MID1: variants seen among roughly 807,000 people sequenced by gnomAD.
The protein encoded by MID1 is midline 1, also known as E3 ubiquitin-protein ligase Midline-1.
In MID1, 7 loss-of-function variants were observed where a neutral mutation model predicts 40.4. The ratio of observed to expected loss-of-function variants is 0.17; its 90% CI spans 0.10 to 0.33. The LOEUF (loss-of-function observed/expected upper bound fraction) is 0.33. Among genes scored for constraint, MID1 ranks in the 10% least tolerant of loss-of-function variants. MID1 has a pLI of 1.00. For missense variants in MID1, 367 were observed against 558.5 expected, an observed-to-expected ratio of 0.66 and a Z score of 3.46; for synonymous variants, 229 against 221.2, an observed-to-expected ratio of 1.04 and a Z score of -0.31.
chrX:10,632,580 T>C (rs1936064139), intron 1 of MID1, among the ~76,000 whole-genome samples: 1 of 110,885 alleles, frequency 9.0e-6, no homozygotes, highest in African/African-American at 3.3e-5. Context: ...CCTAGAGGGC[T>C]TGTTAAAACA....
At chrX:10,469,893 C>T in intron 6 of MID1, 53 bp from the exon 7 acceptor site, 4 of 1,126,186 alleles carry the variant, frequency 3.6e-6, no homozygotes, top group Non-Finnish European at 4.9e-6. Context: ...ACTGGGATAC[C>T]ATTTCAGAGG....
At chrX:10,634,681 G>A (rs1288707255) in intron 1 of MID1, among the ~76,000 whole-genome samples, 3 of 111,910 alleles carry the variant, frequency 2.7e-5, no homozygotes, top group Admixed American at 9.5e-5. Context: ...TGCATTTGAC[G>A]TGCCGTGTTC....
At chrX:10,583,645 G>A (rs1370573545) in intron 1 of MID1, among the ~76,000 whole-genome samples, 1 of 112,179 alleles carries the variant, frequency 8.9e-6, no homozygotes. Flanking sequence ...GAAAAGCCAC[G>A]AACACTTAGT....
At chrX:10,695,805 A>C (rs1012692567) in intron 1 of MID1, among the ~76,000 whole-genome samples, 2 of 112,278 alleles carry the variant, frequency 1.8e-5, no homozygotes, top group African/African-American at 6.5e-5. Flanking sequence ...CCATGTAGCT[A>C]TTGATCATTT....
chrX:10,663,660 G>A (rs964555130), intron 1 of MID1, among the ~76,000 whole-genome samples: 6 of 110,833 alleles, frequency 5.4e-5, no homozygotes, highest in Non-Finnish European at 1.1e-4. Flanking sequence ...GTAAGACTGA[G>A]CCAAAGCTGG....
At chrX:10,705,771 G>C (rs1396005424) in intron 1 of MID1, among the ~76,000 whole-genome samples, 2 of 111,917 alleles carry the variant, frequency 1.8e-5, no homozygotes, top group African/African-American at 6.5e-5. Context: ...GTAGAGCTAA[G>C]GTTTTAACTC....
At chrX:10,653,374 T>C (rs1197257504) in intron 1 of MID1, among the ~76,000 whole-genome samples, 1 of 112,836 alleles carries the variant, frequency 8.9e-6, no homozygotes, top group African/African-American at 3.2e-5. Flanking sequence ...CAAAACCAGT[T>C]CAGCAATTCC....
chrX:10,700,449 G>T (rs1441675117), intron 1 of MID1, among the ~76,000 whole-genome samples: 1 of 111,167 alleles, frequency 9.0e-6, no homozygotes, highest in East Asian at 2.8e-4. Context: ...CTACTCAGGA[G>T]GCTGAGGTGG....
intron 1 of MID1, among the ~76,000 whole-genome samples, chrX:10,724,023 A>G (rs5979353): frequency 0.17 from 18,493 of 111,544 alleles, 2,435 homozygotes; most frequent in African/African-American, 0.45. Context: ...CTTCAGTGGC[A>G]TCTTACTCTG....
chrX:10,498,140 A>G (rs73202010), intron 3 of MID1, among the ~76,000 whole-genome samples: 2,951 of 111,820 alleles, frequency 0.026, 64 homozygotes, highest in Admixed American at 0.085. Context: ...CTCTTGCTCT[A>G]TCACTCAGGC....
At chrX:10,475,477 G>A (rs1251806388) in intron 5 of MID1, among the ~76,000 whole-genome samples, 1 of 111,773 alleles carries the variant, frequency 8.9e-6, no homozygotes, top group African/African-American at 3.3e-5. Flanking sequence ...GCAAGGCACT[G>A]GTGTGTCTCA....
At chrX:10,783,236 T>C (rs1445930847) in intron 1 of MID1, among the ~76,000 whole-genome samples, 1 of 111,525 alleles carries the variant, frequency 9.0e-6, no homozygotes, top group Non-Finnish European at 1.9e-5. Flanking sequence ...CTTGGTGCCG[T>C]ATTTCAAGAT....
chrX:10,797,958 A>G (rs1277071320), intron 1 of MID1, among the ~76,000 whole-genome samples: 1 of 112,119 alleles, frequency 8.9e-6, no homozygotes, highest in African/African-American at 3.2e-5. Flanking sequence ...GGCATTGAGT[A>G]GGGGGCTGGC....
intron 3 of MID1, among the ~76,000 whole-genome samples, chrX:10,510,548 C>T: frequency 9.0e-6 from 1 of 110,953 alleles, no homozygotes; most frequent in Admixed American, 9.5e-5. Flanking sequence ...ATGCTGAAAC[C>T]CAGGCCGGGC....
At chrX:10,598,241 G>C (rs756055815) in intron 1 of MID1, among the ~76,000 whole-genome samples, 33 of 112,103 alleles carry the variant, frequency 2.9e-4, no homozygotes, top group Non-Finnish European at 5.1e-4. Flanking sequence ...TGTCAGAAGA[G>C]GAAGAAAAAG....
intron 2 of MID1, 121 bp downstream of exon 2, chrX:10,566,767 A>C (rs1416520385): frequency 2.6e-6 from 2 of 767,679 alleles, no homozygotes; most frequent in African/African-American, 2.1e-5. Context: ...TGCTAAAACT[A>C]ATCAGATAAC....
intron 1 of MID1, among the ~76,000 whole-genome samples, chrX:10,734,698 A>G (rs2043475793): frequency 8.9e-6 from 1 of 111,817 alleles, no homozygotes; most frequent in South Asian, 3.8e-4. Context: ...GATGCCAGAC[A>G]CAAAGAGTAG....
chrX:10,559,997 T>C (rs776932450), intron 2 of MID1, among the ~76,000 whole-genome samples: 240 of 108,342 alleles, frequency 2.2e-3, no homozygotes, highest in Non-Finnish European at 3.6e-3. Context: ...TCCTCTCACC[T>C]CAGCCTCCAG....
intron 1 of MID1, among the ~76,000 whole-genome samples, chrX:10,696,581 G>C (rs1200723793): frequency 8.9e-6 from 1 of 111,828 alleles, no homozygotes; most frequent in Non-Finnish European, 1.9e-5. Context: ...TTTCTTCTGA[G>C]GAAGCAAGAA....
Sources: allele counts gnomAD v4.1 joint callset (sites outside exome capture counted in the v4.1 genomes callset), GRCh38; gene constraint gnomAD v4.1.1; transcripts MANE v1.5; gene names NCBI Gene and HGNC (gene_info 2026-07-23, HGNC 2026-07-21).